CCDC60: variants seen among roughly 807,000 people sequenced by gnomAD.
CCDC60 encodes coiled-coil domain-containing protein 60.
A neutral mutation model predicts 63.5 loss-of-function variants in CCDC60; 54 were observed. The ratio of observed to expected loss-of-function variants is 0.85; its 90% CI spans 0.68 to 1.07. The LOEUF (loss-of-function observed/expected upper bound fraction) is 1.07. Among genes scored for constraint, CCDC60 ranks in the 50% least tolerant of loss-of-function variants. The pLI is 0.00. For synonymous variants in CCDC60, 206 were observed against 238.8 expected (o/e 0.86, Z 1.27); for missense variants, 651 against 684.3 (o/e 0.95, Z 0.54).
intron 1 of CCDC60, among the ~76,000 whole-genome samples, chr12:119,378,203 G>T (rs569153467): frequency 6.6e-6 from 1 of 152,310 alleles, no homozygotes; most frequent in East Asian, 1.9e-4. Flanking sequence ...CGTGTTGTCT[G>T]TTCCTTACTG....
chr12:119,392,608 A>T (rs1026145449), intron 1 of CCDC60, among the ~76,000 whole-genome samples: 1 of 152,236 alleles, frequency 6.6e-6, no homozygotes, highest in Non-Finnish European at 1.5e-5. Context: ...GTTATCCCCA[A>T]TACCAAACAC....
chr12:119,460,923 A>T (rs1396553746), intron 2 of CCDC60, among the ~76,000 whole-genome samples: 1 of 152,162 alleles, frequency 6.6e-6, no homozygotes, highest in Non-Finnish European at 1.5e-5. Flanking sequence ...TATTCTACAG[A>T]CCTAGAAATG....
chr12:119,494,537 A>G (rs1446282663), intron 5 of CCDC60, among the ~76,000 whole-genome samples: 7 of 152,166 alleles, frequency 4.6e-5, no homozygotes, highest in African/African-American at 1.7e-4. Context: ...TACAATCCTG[A>G]TTCTTATAAT....
intron 1 of CCDC60, among the ~76,000 whole-genome samples, chr12:119,424,141 A>G (rs1956861752): frequency 6.6e-6 from 1 of 152,236 alleles, no homozygotes; most frequent in African/African-American, 2.4e-5. Flanking sequence ...TTATATTAGT[A>G]CATATATGCC....
intron 1 of CCDC60, among the ~76,000 whole-genome samples, chr12:119,389,235 C>T (rs561707146): frequency 2.6e-5 from 4 of 152,308 alleles, no homozygotes; most frequent in South Asian, 2.1e-4. Context: ...AATTCTGAGA[C>T]ATCTTCTATA....
chr12:119,363,360 G>A (rs1051117417), intron 1 of CCDC60, among the ~76,000 whole-genome samples: 5 of 151,988 alleles, frequency 3.3e-5, no homozygotes, highest in African/African-American at 4.8e-5. Context: ...TGCTGTCTTT[G>A]CAAAATTTTG....
At position 119,420,390 on chromosome 12, in the gene CCDC60, C is replaced by T. The variant is rs1956791303; in HGVS notation, c.91-8293C>T. Among the ~76,000 whole-genome samples the T allele has an allele frequency of 6.6e-6, 1 of 152,142 alleles. No homozygotes were observed. Among genetic ancestry groups the T allele is most frequent in the Non-Finnish European group, 1.5e-5 (1 of 68,034 alleles). On this transcript the variant is annotated intron_variant, in intron 1 of 13. Transcript: ENST00000327554. This position sits in a 1 kb window ranked among gnomAD's most constrained non-coding sequence, Gnocchi z 4.1. Reference sequence around the variant, plus strand: ...CAGCTACAAAAAAAAGAGTGAGATCCAGTTATTTGCAACAACATGGATGGA... The same window carrying T: ...CAGCTACAAAAAAAAGAGTGAGATCTAGTTATTTGCAACAACATGGATGGA...
intron 1 of CCDC60, among the ~76,000 whole-genome samples, chr12:119,416,096 T>C (rs1346822299): frequency 1.3e-5 from 2 of 152,158 alleles, no homozygotes; most frequent in Admixed American, 1.3e-4. Context: ...AATAAGGCAG[T>C]GTTGGCGAGG....
chr12:119,505,420 C>T lies in CCDC60; in HGVS notation c.883+117C>T, dbSNP rs906813651. On this transcript the variant is annotated intron_variant, in intron 7 of 13. Transcript: ENST00000327554. ...CTCATTTAAAGGTGACATGGGATCC[C>T]GCATCCTTGTTCAATTTCCTTGGAC... The T allele has an allele frequency of 6.7e-5, 44 of 659,692 alleles. No individual in the cohort carries two copies. In the Admixed American group the frequency reaches 9.4e-4, roughly 14 times the overall value. The allele number at this position is 659,692 out of a possible 1,614,324, so 40.9% of individuals were successfully genotyped here. A position where few individuals can be genotyped will look rare whatever the true frequency, so the allele number is the denominator to read the frequency against.
intron 1 of CCDC60, among the ~76,000 whole-genome samples, chr12:119,413,680 C>G (rs572253492): frequency 6.6e-6 from 1 of 152,248 alleles, no homozygotes; most frequent in South Asian, 2.1e-4. Context: ...CAAGAGATGA[C>G]TTTCTTCGGG....
At chr12:119,451,387 C>A (rs1002707891) in intron 2 of CCDC60, among the ~76,000 whole-genome samples, 3 of 151,900 alleles carry the variant, frequency 2.0e-5, no homozygotes, top group Admixed American at 2.0e-4. Flanking sequence ...ATCCAGAGAC[C>A]CCCACCCAGC....
intron 7 of CCDC60, among the ~76,000 whole-genome samples, chr12:119,509,798 G>A (rs1196770066): frequency 6.6e-6 from 1 of 152,058 alleles, no homozygotes; most frequent in East Asian, 1.9e-4. Context: ...GAACATTGGG[G>A]CACAGAGAGG....
At chr12:119,382,345 G>T (rs7136758) in intron 1 of CCDC60, among the ~76,000 whole-genome samples, 2 of 152,166 alleles carry the variant, frequency 1.3e-5, no homozygotes, top group African/African-American at 4.8e-5. Flanking sequence ...GACAGCCAGC[G>T]CACTGGTCAC....
chr12:119,540,567 T>C, intron 13 of CCDC60, 47 bp from the exon 14 acceptor site: 1 of 1,379,720 alleles, frequency 7.2e-7, no homozygotes, highest in South Asian at 1.2e-5. Context: ...AGGTGGAGTC[T>C]ACTTTTCAGA....
At chr12:119,527,715 C>T (rs1178620165) in intron 11 of CCDC60, among the ~76,000 whole-genome samples, 1 of 123,974 alleles carries the variant, frequency 8.1e-6, no homozygotes, top group Non-Finnish European at 1.6e-5. Context: ...CTCGCTCTGT[C>T]GCCCAGGCTA....
At chr12:119,361,772 C>T (rs1269545840) in intron 1 of CCDC60, among the ~76,000 whole-genome samples, 1 of 152,216 alleles carries the variant, frequency 6.6e-6, no homozygotes, top group Non-Finnish European at 1.5e-5. Flanking sequence ...AAACTGGCAA[C>T]AGCCCAAAAT....
chr12:119,408,681 C>A (rs1334004705), intron 1 of CCDC60, among the ~76,000 whole-genome samples: 1 of 152,102 alleles, frequency 6.6e-6, no homozygotes. Flanking sequence ...AAAAAATTAG[C>A]CAGGCGTGGT....
At chr12:119,462,419 C>T (rs1950871486) in intron 2 of CCDC60, among the ~76,000 whole-genome samples, 1 of 152,120 alleles carries the variant, frequency 6.6e-6, no homozygotes. Context: ...CAAATTTATG[C>T]ACCAGATTAT....
intron 3 of CCDC60, among the ~76,000 whole-genome samples, chr12:119,476,007 T>G (rs555016095): frequency 9.8e-5 from 15 of 152,328 alleles, no homozygotes; most frequent in Non-Finnish European, 1.8e-4. Flanking sequence ...AAATACAAGT[T>G]TCATTTATAA....
Sources: allele counts gnomAD v4.1 joint callset (sites outside exome capture counted in the v4.1 genomes callset), GRCh38; gene constraint gnomAD v4.1.1; non-coding constraint Gnocchi (gnomAD v3.1); transcripts MANE v1.5; gene names NCBI Gene and HGNC (gene_info 2026-07-23, HGNC 2026-07-21).